Variants in CLSTN2 observed in about 807,000 individuals in gnomAD.
CLSTN2 encodes the protein calsyntenin 2, also known as calsyntenin-2.
CLSTN2 carries 48 observed loss-of-function variants against 101.2 expected under a neutral mutation model. The ratio of observed to expected loss-of-function variants is 0.47; its 90% CI spans 0.38 to 0.60. The LOEUF (loss-of-function observed/expected upper bound fraction) is 0.60, where lower values mean the gene tolerates loss of function less well. Among genes scored for constraint, CLSTN2 ranks in the 20% least tolerant of loss-of-function variants. CLSTN2 has a pLI of 0.00. For synonymous variants in CLSTN2, 481 were observed against 463.6 expected, an observed-to-expected ratio of 1.04 and a Z score of -0.48; for missense variants, 1,160 against 1,238.2, an observed-to-expected ratio of 0.94 and a Z score of 0.95.
chr3:140,492,332 T>C (rs750968030), intron 8 of CLSTN2, among the ~76,000 whole-genome samples: 3 of 152,156 alleles, frequency 2.0e-5, no homozygotes, highest in Non-Finnish European at 4.4e-5. Context: ...GAAAAATACA[T>C]GTGTTTATTA....
At chr3:140,054,972 A>C (rs2008072496) in intron 1 of CLSTN2, among the ~76,000 whole-genome samples, 1 of 152,224 alleles carries the variant, frequency 6.6e-6, no homozygotes, top group Admixed American at 6.5e-5. Flanking sequence ...CTATTTATGG[A>C]ATACACCTGG....
At chr3:140,168,675 G>C (rs1171359363) in intron 1 of CLSTN2, among the ~76,000 whole-genome samples, 22 of 151,890 alleles carry the variant, frequency 1.4e-4, no homozygotes, top group Non-Finnish European at 1.5e-5. Flanking sequence ...ATTTTTGTTT[G>C]TATAGCACAA....
chr3:140,192,320 A>T lies in CLSTN2; in HGVS notation c.232+16247A>T, dbSNP rs184933191. On this transcript the variant is annotated intron_variant, in intron 2 of 16. Coordinates refer to ENST00000458420, the MANE Select transcript of CLSTN2 (RefSeq NM_022131.3). ...GTTCGGGTCTATAAACGTAGATTACATCCTGTTATTTGATGTTGAACTTTT... is the reference window on the plus strand; with the variant it reads ...GTTCGGGTCTATAAACGTAGATTACTTCCTGTTATTTGATGTTGAACTTTT... 5.0e-3 allele frequency among the ~76,000 whole-genome samples: 756 copies of T among 152,070 alleles called. 1 individual carries two copies. Among genetic ancestry groups the T allele is most frequent in the Non-Finnish European group, 7.8e-3 (530 of 67,844 alleles).
At chr3:140,091,951 G>A (rs189849922) in intron 1 of CLSTN2, among the ~76,000 whole-genome samples, 1 of 152,318 alleles carries the variant, frequency 6.6e-6, no homozygotes, top group Non-Finnish European at 1.5e-5. Flanking sequence ...CTCAGTAAAT[G>A]TTTGTTGAAT....
At chr3:140,423,441 T>TA (rs1185697577) in intron 5 of CLSTN2, among the ~76,000 whole-genome samples, 1 of 152,102 alleles carries the variant, frequency 6.6e-6, no homozygotes, top group African/African-American at 2.4e-5. Context: ...AAACTTTGGT[T>TA]AAAAAAATGT....
intron 1 of CLSTN2, among the ~76,000 whole-genome samples, chr3:140,095,298 C>T (rs190654770): frequency 1.3e-5 from 2 of 152,258 alleles, no homozygotes; most frequent in African/African-American, 2.4e-5. Flanking sequence ...GAGCTACTGT[C>T]GTGGGGAGGA....
rs1005510507 is a variant in CLSTN2 at position 140,570,550 on chromosome 3, T to C, written c.*4297T>C. On this transcript the variant is annotated 3_prime_UTR_variant, in exon 17 of 17. Transcript: ENST00000458420. ...TACAGATACTGAGGGATGACTGTACTCAGCTCTCCTATTGTAGCATGAAAA... is the reference window on the plus strand; with the variant it reads ...TACAGATACTGAGGGATGACTGTACCCAGCTCTCCTATTGTAGCATGAAAA... The C allele has an allele frequency of 1.3e-5, 2 of 152,200 alleles. No individual in the cohort carries two copies. Among genetic ancestry groups the C allele is most frequent in the East Asian group, 1.9e-4 (1 of 5,200 alleles). 9.4% of individuals were successfully genotyped at this position (152,200 alleles called of 1,614,324 possible).
intron 1 of CLSTN2, among the ~76,000 whole-genome samples, chr3:140,140,317 G>A (rs779191432): frequency 3.9e-5 from 6 of 152,244 alleles, no homozygotes; most frequent in Non-Finnish European, 5.9e-5. Context: ...AAGAAGCATG[G>A]CACCTGACTT....
chr3:140,486,659 A>T (rs543035761), intron 8 of CLSTN2, among the ~76,000 whole-genome samples: 2 of 152,238 alleles, frequency 1.3e-5, no homozygotes, highest in Non-Finnish European at 2.9e-5. Context: ...AAATAGACAG[A>T]CAAAAGGGCA....
Position 140,158,013 on chromosome 3 carries a change from C to A in CLSTN2, c.110-17938C>A, listed in dbSNP as rs1024830461. Among the ~76,000 whole-genome samples, 10 of 152,246 alleles carry A rather than the reference C, an allele frequency of 6.6e-5. No individual in the cohort carries two copies. In the East Asian group the frequency reaches 1.9e-3, roughly 29 times the overall value. On this transcript the variant is annotated intron_variant, in intron 1 of 16. Coordinates refer to ENST00000458420, the MANE Select transcript of CLSTN2 (RefSeq NM_022131.3). ...AAAAGGCCGAGAAGCAATGTCCCTTCATAACAAAACCCCTCAACAGACTAG... is the reference window on the plus strand; with the variant it reads ...AAAAGGCCGAGAAGCAATGTCCCTTAATAACAAAACCCCTCAACAGACTAG...
intron 1 of CLSTN2, among the ~76,000 whole-genome samples, chr3:140,084,567 C>G (rs1326217423): frequency 6.6e-5 from 10 of 152,174 alleles, no homozygotes; most frequent in Admixed American, 6.5e-4. Flanking sequence ...CTACAGACAA[C>G]TGCAACAGAA....
intron 8 of CLSTN2, among the ~76,000 whole-genome samples, chr3:140,472,082 A>G (rs1482332295): frequency 6.6e-6 from 1 of 152,136 alleles, no homozygotes; most frequent in Non-Finnish European, 1.5e-5. Flanking sequence ...CCCACAGAGA[A>G]TGCTAAACTC....
intron 8 of CLSTN2, among the ~76,000 whole-genome samples, chr3:140,492,616 C>T (rs1366451867): frequency 1.3e-5 from 2 of 152,166 alleles, no homozygotes; most frequent in Non-Finnish European, 2.9e-5. Flanking sequence ...AAAAGCTAAG[C>T]CTTTTGAACT....
chr3:140,318,838 G>A (rs1018030093), intron 2 of CLSTN2, among the ~76,000 whole-genome samples: 1 of 152,082 alleles, frequency 6.6e-6, no homozygotes, highest in Non-Finnish European at 1.5e-5. Context: ...AGAGTAAAGT[G>A]GAGAATTTAA....
At chr3:140,240,303 T>A (rs200762218) in intron 2 of CLSTN2, among the ~76,000 whole-genome samples, 1 of 141,734 alleles carries the variant, frequency 7.1e-6, no homozygotes, top group African/African-American at 2.6e-5. Flanking sequence ...CATATATATA[T>A]ATACACACAC....
chr3:140,389,517 T>C (rs2088089741), intron 2 of CLSTN2, among the ~76,000 whole-genome samples: 1 of 152,280 alleles, frequency 6.6e-6, no homozygotes, highest in African/African-American at 2.4e-5. Context: ...ATGTATTTTC[T>C]TTATCCAGTC....
At chr3:140,323,173 C>A (rs979879566) in intron 2 of CLSTN2, among the ~76,000 whole-genome samples, 1 of 152,124 alleles carries the variant, frequency 6.6e-6, no homozygotes, top group African/African-American at 2.4e-5. Flanking sequence ...AGTGGCTTCC[C>A]AGCAGTGGGT....
intron 1 of CLSTN2, among the ~76,000 whole-genome samples, chr3:140,116,062 T>G (rs1340037801): frequency 6.6e-6 from 1 of 152,060 alleles, no homozygotes; most frequent in East Asian, 1.9e-4. Context: ...GAGGGGCCGT[T>G]TTTGACCCCT....
At chr3:140,359,442 T>G (rs1188164027) in intron 2 of CLSTN2, among the ~76,000 whole-genome samples, 3 of 152,214 alleles carry the variant, frequency 2.0e-5, no homozygotes, top group Non-Finnish European at 2.9e-5. Context: ...GCTGCACTGA[T>G]GCTAAACATT....
Sources: gnomAD v4.1 joint callset for allele counts (sites outside exome capture counted in the v4.1 genomes callset) on GRCh38, gnomAD v4.1.1 for gene constraint, MANE v1.5 for transcripts, NCBI Gene and HGNC (gene_info 2026-07-23, HGNC 2026-07-21) for gene names.